The following LYRM4 variants were observed in gnomAD, a reference collection of about 807,000 sequenced individuals.
The protein encoded by LYRM4 is LYR motif containing 4.
Under a neutral mutation model 11.7 loss-of-function variants are expected in LYRM4, and 9 were observed. The observed-to-expected ratio is 0.77, with a 90% CI of 0.46 to 1.34. The LOEUF (loss-of-function observed/expected upper bound fraction) is 1.34, where lower values mean the gene tolerates loss of function less well. Ranked by LOEUF, LYRM4 falls within the 40% of genes most tolerant of loss-of-function variation. LYRM4 has a pLI of 0.00. For missense variants in LYRM4, 133 were observed against 112.5 expected (o/e 1.18, Z -0.82); for synonymous variants, 42 against 40.4 (o/e 1.04, Z -0.15).
At chr6:5,148,474 G>T (rs200170421) in intron 2 of LYRM4, among the ~76,000 whole-genome samples, 5 of 82,074 alleles carry the variant, frequency 6.1e-5, no homozygotes, top group African/African-American at 7.4e-5. Context: ...GCTGGGCTGA[G>T]GGGGCAGAGT....
chr6:5,125,888 C>G (rs1018627959), intron 2 of LYRM4, among the ~76,000 whole-genome samples: 2 of 152,210 alleles, frequency 1.3e-5, no homozygotes, highest in African/African-American at 2.4e-5. Context: ...TTGGTTCAAA[C>G]AAGGCGGCTG....
chr6:5,157,289 AC>A (rs1758469402), intron 2 of LYRM4, among the ~76,000 whole-genome samples: 1 of 152,208 alleles, frequency 6.6e-6, no homozygotes, highest in Admixed American at 6.5e-5. Context: ...TCACTTAAAA[AC>A]AAACATGTAA....
At chr6:5,129,483 G>A (rs1561815736) in intron 2 of LYRM4, among the ~76,000 whole-genome samples, 1 of 152,072 alleles carries the variant, frequency 6.6e-6, no homozygotes, top group Non-Finnish European at 1.5e-5. Context: ...CTTCATCCTC[G>A]AAGCAGCCGC....
chr6:5,055,514 T>C, the LYRM4 span, among the ~76,000 whole-genome samples: 11 of 152,214 alleles, frequency 7.2e-5, no homozygotes, highest in Non-Finnish European at 1.2e-4. The surrounding 1 kb of genome is among the most constrained non-coding windows in gnomAD (Gnocchi z 4.5). Flanking sequence ...GATTATTACA[T>C]TGCCTGGCCA....
intron 2 of LYRM4, among the ~76,000 whole-genome samples, chr6:5,144,647 A>C (rs1478693041): frequency 6.6e-6 from 1 of 151,256 alleles, no homozygotes; most frequent in African/African-American, 2.4e-5. Context: ...AAAAAAAAAA[A>C]AAAAAAAAGA....
rs1282422032 is a variant in LYRM4, at chr6:5,144,153, G to A, written c.208-34662C>T. ...GAATGCTCACCAGCTCTGTGAGGAA[G>A]AGCAAACGTCTGTCAGGTGGTTTCC... On this transcript the variant is annotated intron_variant, in intron 2 of 2. Transcript: ENST00000330636. 3.3e-6 allele frequency: 5 copies of A among 1,536,552 alleles called. No individual in the cohort carries two copies. The South Asian group carries it at 5.9e-5, about 18-fold the overall frequency.
intron 2 of LYRM4, among the ~76,000 whole-genome samples, chr6:5,175,018 C>A (rs771810439): frequency 6.6e-6 from 1 of 152,170 alleles, no homozygotes; most frequent in South Asian, 2.1e-4. Flanking sequence ...ATTTATTGAG[C>A]GCCTAGATTC....
At chr6:5,130,692 C>T (rs948462670) in intron 2 of LYRM4, among the ~76,000 whole-genome samples, 3 of 151,946 alleles carry the variant, frequency 2.0e-5, no homozygotes, top group African/African-American at 2.4e-5. Context: ...AACTAGTCAG[C>T]AATAAACTTC....
chr6:5,247,163 T>C (rs777005968), intron 1 of LYRM4, among the ~76,000 whole-genome samples: 1 of 151,798 alleles, frequency 6.6e-6, no homozygotes, highest in Non-Finnish European at 1.5e-5. Context: ...TATACCCCCA[T>C]TGGGAATTTA....
chr6:5,112,161 C>T (rs78351220), intron 2 of LYRM4, among the ~76,000 whole-genome samples: 19,840 of 152,214 alleles, frequency 0.13, 1,391 homozygotes, highest in Middle Eastern at 0.17. Context: ...GGCACGCTCG[C>T]GAAGCCCGTG....
chr6:5,175,764 A>G (rs1203916820), intron 2 of LYRM4, among the ~76,000 whole-genome samples: 5 of 152,202 alleles, frequency 3.3e-5, no homozygotes, highest in African/African-American at 9.6e-5. Context: ...AAGGCCACAC[A>G]GCTCTGCTCT....
intron 2 of LYRM4, among the ~76,000 whole-genome samples, chr6:5,145,648 A>G (rs567668304): frequency 6.6e-6 from 1 of 152,316 alleles, no homozygotes; most frequent in Admixed American, 6.5e-5. Context: ...GCCAGGGAGG[A>G]GAAAAGAAAA....
the LYRM4 span, among the ~76,000 whole-genome samples, chr6:5,062,267 A>G: frequency 6.8e-6 from 1 of 147,074 alleles, no homozygotes; most frequent in Non-Finnish European, 1.5e-5. Flanking sequence ...TATATTAATT[A>G]TATATTTATA....
In LYRM4 at chr6:5,245,108, AAAAAAATATATATATATATATATATAT is replaced by A. The variant is rs1764101371; in HGVS notation, c.86+15513_86+15539del. Among the ~76,000 whole-genome samples the A allele has an allele frequency of 3.1e-4, 14 of 45,400 alleles. 1 individual carries two copies. The highest frequency in any genetic ancestry group is 7.9e-4 in the South Asian group (1 of 1,264). 29.8% of individuals were successfully genotyped at this position (45,400 alleles called of 152,430 possible). ...AGACCTTAAAAAAAAAAAAAAAAAA[AAAAAAATATATATATATATATATATAT>A]ATATATATATATATATATATATATA... On this transcript the variant is annotated intron_variant, in intron 1 of 2. Coordinates refer to ENST00000330636, the MANE Select transcript of LYRM4 (RefSeq NM_020408.6).
the LYRM4 span, chr6:5,085,443 G>A: frequency 2.8e-6 from 4 of 1,423,928 alleles, no homozygotes; most frequent in Non-Finnish European, 3.8e-6. Context: ...AGTCTCCAGA[G>A]GGGCCCGGTT....
chr6:5,159,422 A>T (rs142067074), intron 2 of LYRM4, among the ~76,000 whole-genome samples: 61 of 152,356 alleles, frequency 4.0e-4, no homozygotes, highest in Non-Finnish European at 5.4e-4. Context: ...TCAATGCATT[A>T]TCAGAAGCTG....
chr6:5,247,661 T>C (rs1176441523), intron 1 of LYRM4, among the ~76,000 whole-genome samples: 1 of 152,158 alleles, frequency 6.6e-6, no homozygotes, highest in Non-Finnish European at 1.5e-5. Context: ...ATCACGTAAG[T>C]TAACTTGGAA....
At chr6:5,173,478 T>A (rs529780120) in intron 2 of LYRM4, among the ~76,000 whole-genome samples, 28 of 152,218 alleles carry the variant, frequency 1.8e-4, no homozygotes, top group African/African-American at 6.0e-4. Context: ...ACAATAAGAG[T>A]TCTAAGAACA....
chr6:5,242,307 C>T (rs2773303), intron 1 of LYRM4, among the ~76,000 whole-genome samples: 43,284 of 151,340 alleles, frequency 0.29, 7,820 homozygotes, highest in African/African-American at 0.51. Context: ...CTCCTGACCT[C>T]GTGATCTGCC....
Sources: allele counts gnomAD v4.1 joint callset (sites outside exome capture counted in the v4.1 genomes callset), GRCh38; gene constraint gnomAD v4.1.1; non-coding constraint Gnocchi (gnomAD v3.1); transcripts MANE v1.5; gene names NCBI Gene and HGNC (gene_info 2026-07-23, HGNC 2026-07-21).